The following SEMA4F variants were observed in gnomAD, a reference collection of about 807,000 sequenced individuals.
The protein encoded by SEMA4F is ssemaphorin 4F.
A neutral mutation model predicts 78.4 loss-of-function variants in SEMA4F; 51 were observed. That is an observed-to-expected ratio of 0.65 (90% confidence interval 0.52 to 0.82). SEMA4F has a LOEUF of 0.82. Among genes scored for constraint, SEMA4F ranks in the 40% least tolerant of loss-of-function variants. The pLI, the probability that SEMA4F is intolerant of heterozygous loss-of-function variation, is 0.00. For synonymous variants in SEMA4F, 418 were observed against 408.7 expected, an observed-to-expected ratio of 1.02 and a Z score of -0.27; for missense variants, 938 against 1,014.4, an observed-to-expected ratio of 0.92 and a Z score of 1.02.
chr2:74,684,907 G>A (rs1294068560), downstream of SEMA4F, among the ~76,000 whole-genome samples: 1 of 152,244 alleles, frequency 6.6e-6, no homozygotes, highest in Non-Finnish European at 1.5e-5. Flanking sequence ...GGGAGGTGGA[G>A]GCTGAAGTGA....
At chr2:74,692,085 G>A in the SEMA4F span, among the ~76,000 whole-genome samples, 2 of 152,180 alleles carry the variant, frequency 1.3e-5, no homozygotes, top group African/African-American at 4.8e-5. Flanking sequence ...CCAGGCTCTA[G>A]GGGCAGACTG....
chr2:74,664,869 A>G (rs1684601543), intron 5 of SEMA4F, among the ~76,000 whole-genome samples: 1 of 152,184 alleles, frequency 6.6e-6, no homozygotes, highest in South Asian at 2.1e-4. Flanking sequence ...TTTAAGCTCA[A>G]TCCTTCACTT....
At chr2:74,663,415 A>G (rs1431194612) in intron 5 of SEMA4F, among the ~76,000 whole-genome samples, 2 of 152,308 alleles carry the variant, frequency 1.3e-5, no homozygotes, top group East Asian at 3.9e-4. Flanking sequence ...AATTATTGCT[A>G]ATATTTTAGG....
chr2:74,657,705 C>A, intron 3 of SEMA4F, 81 bp downstream of exon 3: 2 of 1,464,434 alleles, frequency 1.4e-6, no homozygotes, highest in African/African-American at 1.4e-5. Flanking sequence ...TGTAATGCTT[C>A]CATACCAATG....
Position 74,673,835 on chromosome 2 carries a change from C to T in SEMA4F, c.822+7C>T, listed in dbSNP as rs1294124560. The T allele has an allele frequency of 2.5e-6, 4 of 1,610,456 alleles. No homozygotes were observed. Among genetic ancestry groups the T allele is most frequent in the Non-Finnish European group, 3.4e-6 (4 of 1,177,926 alleles). On this transcript the variant is annotated splice_region_variant and intron_variant, in intron 7 of 13. Coordinates refer to ENST00000357877, the MANE Select transcript of SEMA4F (RefSeq NM_004263.5). Reference sequence around the variant, plus strand: ...GGTGGCCCGTGTGTGTGCGGTGAGACCCCATCCCAGCTGTCTGTCTGTCAT... The same window carrying T: ...GGTGGCCCGTGTGTGTGCGGTGAGATCCCATCCCAGCTGTCTGTCTGTCAT...
the SEMA4F span, among the ~76,000 whole-genome samples, chr2:74,704,263 A>G: frequency 6.6e-6 from 1 of 151,022 alleles, no homozygotes; most frequent in Non-Finnish European, 1.5e-5. Flanking sequence ...CTCATTCTCC[A>G]TGTAGAATTG....
chr2:74,696,185 CTTT>C, the SEMA4F span, among the ~76,000 whole-genome samples: 33 of 109,006 alleles, frequency 3.0e-4, no homozygotes, highest in African/African-American at 9.5e-4. Flanking sequence ...TCTCCTGCCT[CTTT>C]TTTTTTTTTT....
the SEMA4F span, among the ~76,000 whole-genome samples, chr2:74,703,953 T>C: frequency 2.6e-5 from 4 of 152,272 alleles, no homozygotes; most frequent in South Asian, 4.1e-4. Flanking sequence ...GACACGAACC[T>C]TGGGGGTGGT....
the SEMA4F span, among the ~76,000 whole-genome samples, chr2:74,698,792 C>T: frequency 6.6e-6 from 1 of 152,156 alleles, no homozygotes; most frequent in Admixed American, 6.6e-5. Context: ...TCTCTTCTCT[C>T]AGGTATCCTA....
the SEMA4F span, among the ~76,000 whole-genome samples, chr2:74,697,104 A>G: frequency 2.6e-5 from 4 of 152,264 alleles, no homozygotes; most frequent in Non-Finnish European, 4.4e-5. Context: ...TTGCATTTCC[A>G]TGAACAGAGT....
At chr2:74,661,607 G>A (rs1369755050) in intron 4 of SEMA4F, among the ~76,000 whole-genome samples, 1 of 152,166 alleles carries the variant, frequency 6.6e-6, no homozygotes, top group Non-Finnish European at 1.5e-5. Context: ...GGAGTGCTGT[G>A]CCTCTGTGGA....
chr2:74,686,300 C>G (rs1287282973), downstream of SEMA4F, among the ~76,000 whole-genome samples: 33 of 152,164 alleles, frequency 2.2e-4, no homozygotes, highest in Non-Finnish European at 3.8e-4. Flanking sequence ...GGGGTTTCAC[C>G]GTGTTAGTCA....
chr2:74,674,966 A>G lies in SEMA4F; in HGVS notation c.1080A>G (p.Glu360=), dbSNP rs760316820. The G allele has an allele frequency of 4.3e-6, 7 of 1,613,954 alleles. No individual in the cohort carries two copies. The highest frequency in any genetic ancestry group is 5.1e-6 in the Non-Finnish European group (6 of 1,179,994). ...CAGTGCTGAATGGTCCCTTCAGAGA[A>G]CTAAAACATGACTGCAACAGAGGAC... ...IRTVLNGPFR[E]LKHDCNRGLP... Residue 360 remains glutamate (E), a synonymous_variant, in exon 9 of 14, where the codon GAA becomes GAG. Coordinates refer to ENST00000357877, the MANE Select transcript of SEMA4F (RefSeq NM_004263.5).
At chr2:74,665,912 T>G (rs566587712) in intron 5 of SEMA4F, among the ~76,000 whole-genome samples, 78 of 151,814 alleles carry the variant, frequency 5.1e-4, no homozygotes, top group African/African-American at 7.0e-4. Context: ...GTTTTTTTTT[T>G]TTTTTGTTTT....
chr2:74,662,946 T>C, intron 5 of SEMA4F, 121 bp downstream of exon 5: 1 of 895,622 alleles, frequency 1.1e-6, no homozygotes, highest in South Asian at 1.5e-5. Flanking sequence ...TGTCTCTTTT[T>C]AGCCTTTCCT....
In SEMA4F at chr2:74,673,411, C is replaced by G. The variant is rs924663568; in HGVS notation, c.551-46C>G. On this transcript the variant is annotated intron_variant, in intron 5 of 13. Transcript: ENST00000357877. ...CTCTGCCTGTGACCTCTGTTGCTTC[C>G]CTCAGTGGGTCCCTGATAGCCCATC... The G allele has an allele frequency of 6.0e-5, 96 of 1,609,824 alleles. No individual in the cohort carries two copies. The East Asian group carries it at 2.1e-3, about 36-fold the overall frequency.
chr2:74,686,606 T>C (rs1685828148), downstream of SEMA4F, among the ~76,000 whole-genome samples: 1 of 152,182 alleles, frequency 6.6e-6, no homozygotes, highest in African/African-American at 2.4e-5. Flanking sequence ...CTATTCACAA[T>C]AGCAAAGACT....
chr2:74,656,974 A>G (rs761470401), intron 2 of SEMA4F, among the ~76,000 whole-genome samples: 16 of 152,270 alleles, frequency 1.1e-4, no homozygotes, highest in Admixed American at 2.6e-4. Flanking sequence ...TTAAAATTAC[A>G]ATACTCTAGG....
Position 74,663,389 on chromosome 2 carries a change from A to G in SEMA4F, c.550+564A>G, listed in dbSNP as rs143374647. On this transcript the variant is annotated intron_variant, in intron 5 of 13. Transcript: ENST00000357877. Reference sequence around the variant, plus strand: ...GGTACCGTATTAGTGTAATTCTAAAATATCTCTACTTAGAAAATTATTGCT... The same window carrying G: ...GGTACCGTATTAGTGTAATTCTAAAGTATCTCTACTTAGAAAATTATTGCT... Among the ~76,000 whole-genome samples, 28 of 152,340 alleles carry G rather than the reference A, an allele frequency of 1.8e-4. No homozygotes were observed. In the East Asian group the frequency reaches 5.2e-3, roughly 28 times the overall value.
Sources: gnomAD v4.1 joint callset for allele counts (sites outside exome capture counted in the v4.1 genomes callset) on GRCh38, gnomAD v4.1.1 for gene constraint, MANE v1.5 for transcripts, NCBI Gene and HGNC (gene_info 2026-07-23, HGNC 2026-07-21) for gene names.